The following ZNF385D variants were observed in gnomAD, a reference collection of about 807,000 sequenced individuals.
ZNF385D encodes zinc finger protein 385D.
A neutral mutation model predicts 35.8 loss-of-function variants in ZNF385D; 15 were observed. That is an observed-to-expected ratio of 0.42 (90% CI 0.28 to 0.64). The LOEUF (loss-of-function observed/expected upper bound fraction) is 0.64. Ranked by LOEUF, ZNF385D falls within the 30% of genes least tolerant of loss-of-function variation. The pLI is 0.23. For missense variants in ZNF385D, 474 were observed against 494.6 expected (o/e 0.96, Z 0.39); for synonymous variants, 212 against 186.8 (o/e 1.13, Z -1.10).
intron 3 of ZNF385D, among the ~76,000 whole-genome samples, chr3:22,021,104 G>A (rs975213171): frequency 3.3e-5 from 5 of 151,844 alleles, no homozygotes; most frequent in Admixed American, 1.3e-4. Flanking sequence ...AGGCAGAGAC[G>A]CAAGAGTGAG....
chr3:22,081,937 C>T (rs189976730), intron 3 of ZNF385D, among the ~76,000 whole-genome samples: 10 of 151,622 alleles, frequency 6.6e-5, no homozygotes, highest in Admixed American at 6.6e-4. Context: ...CTATTGCTTC[C>T]CTCTCCCCTA....
chr3:21,737,630 T>C (rs1015679742), intron 1 of ZNF385D, among the ~76,000 whole-genome samples: 1 of 152,240 alleles, frequency 6.6e-6, no homozygotes, highest in Non-Finnish European at 1.5e-5. Context: ...TATACTTTTA[T>C]AATTCTCAAT....
intron 3 of ZNF385D, among the ~76,000 whole-genome samples, chr3:21,839,044 TTAA>T (rs1300215710): frequency 3.3e-5 from 5 of 152,072 alleles, no homozygotes; most frequent in Non-Finnish European, 5.9e-5. Flanking sequence ...AAAAATATTT[TTAA>T]TAATAATTAA....
intron 4 of ZNF385D, among the ~76,000 whole-genome samples, chr3:21,454,435 TGAC>T (rs1405398467): frequency 1.3e-5 from 2 of 152,138 alleles, no homozygotes. Context: ...ATTATCTTGC[TGAC>T]TTTATCTTTT....
At chr3:22,155,987 G>A (rs1029031883) in intron 3 of ZNF385D, among the ~76,000 whole-genome samples, 8 of 152,004 alleles carry the variant, frequency 5.3e-5, no homozygotes, top group African/African-American at 1.9e-4. Flanking sequence ...AGGATGAAAT[G>A]AAAAGAAAAA....
At chr3:22,028,694 C>T (rs931120507) in intron 3 of ZNF385D, among the ~76,000 whole-genome samples, 1 of 152,206 alleles carries the variant, frequency 6.6e-6, no homozygotes, top group Non-Finnish European at 1.5e-5. Context: ...TGGTATTCCA[C>T]ACAGCATTGC....
chr3:21,741,419 T>C (rs17620421), intron 1 of ZNF385D, among the ~76,000 whole-genome samples: 7,047 of 152,294 alleles, frequency 0.046, 192 homozygotes, highest in Middle Eastern at 0.13. Flanking sequence ...CTCTAAGCTA[T>C]AGCCCACCAT....
intron 2 of ZNF385D, among the ~76,000 whole-genome samples, chr3:22,257,465 T>C (rs1009382928): frequency 4.0e-5 from 6 of 151,892 alleles, no homozygotes; most frequent in African/African-American, 1.4e-4. Flanking sequence ...CTCTCCTTTC[T>C]AGTAATTTCT....
chr3:21,890,763 A>C (rs532674137), intron 3 of ZNF385D, among the ~76,000 whole-genome samples: 22 of 152,352 alleles, frequency 1.4e-4, no homozygotes, highest in South Asian at 6.2e-4. Context: ...GAAGCAGCAG[A>C]AGAATTGCTG....
chr3:21,667,107 T>G (rs2066430884), intron 1 of ZNF385D, among the ~76,000 whole-genome samples: 1 of 152,070 alleles, frequency 6.6e-6, no homozygotes, highest in South Asian at 2.1e-4. Context: ...AAAGTAAGAT[T>G]TGGTCGAAAT....
chr3:21,669,862 G>T (rs1436312510), intron 1 of ZNF385D, among the ~76,000 whole-genome samples: 4 of 152,240 alleles, frequency 2.6e-5, no homozygotes, highest in South Asian at 2.1e-4. Context: ...ATCACAATAA[G>T]AGGTTACTTT....
intron 3 of ZNF385D, among the ~76,000 whole-genome samples, chr3:21,823,719 G>A (rs1436225874): frequency 1.3e-5 from 2 of 152,128 alleles, no homozygotes; most frequent in Non-Finnish European, 2.9e-5. Context: ...ACCACAGAAG[G>A]TATGTTTCCA....
At chr3:22,086,591 G>C (rs970752555) in intron 3 of ZNF385D, among the ~76,000 whole-genome samples, 13 of 152,272 alleles carry the variant, frequency 8.5e-5, no homozygotes, top group African/African-American at 2.9e-4. Flanking sequence ...TCATAGATAG[G>C]AAGAATCAAT....
At chr3:22,170,788 T>G (rs1317750769) in intron 2 of ZNF385D, among the ~76,000 whole-genome samples, 1 of 152,156 alleles carries the variant, frequency 6.6e-6, no homozygotes, top group Non-Finnish European at 1.5e-5. Flanking sequence ...TTGTCTAGAG[T>G]TGATTTATGC....
intron 4 of ZNF385D, among the ~76,000 whole-genome samples, chr3:21,491,643 T>G (rs1575038744): frequency 6.6e-6 from 1 of 152,170 alleles, no homozygotes; most frequent in African/African-American, 2.4e-5. Flanking sequence ...GCTTGCTGCC[T>G]GTTTTGGTAA....
chr3:22,364,297 G>T (rs985451047), intron 2 of ZNF385D, among the ~76,000 whole-genome samples: 2 of 151,908 alleles, frequency 1.3e-5, no homozygotes, highest in Admixed American at 6.6e-5. Flanking sequence ...GTGCAAAAAG[G>T]CCATATCAAC....
chr3:21,540,568 G>A (rs1424609623), intron 3 of ZNF385D, among the ~76,000 whole-genome samples: 3 of 152,156 alleles, frequency 2.0e-5, no homozygotes, highest in Admixed American at 2.0e-4. Context: ...GATAAAACCT[G>A]TTCAGAGACT....
At chr3:22,210,856 A>G (rs1295600508) in intron 2 of ZNF385D, among the ~76,000 whole-genome samples, 1 of 151,986 alleles carries the variant, frequency 6.6e-6, no homozygotes, top group East Asian at 1.9e-4. Flanking sequence ...GCACTGAATT[A>G]CAAATTATCT....
At chr3:22,090,729 G>A (rs1701286037) in intron 3 of ZNF385D, among the ~76,000 whole-genome samples, 1 of 152,118 alleles carries the variant, frequency 6.6e-6, no homozygotes. Context: ...TACTTGGAAG[G>A]GGGACATACG....
Sources: allele counts gnomAD v4.1 joint callset (sites outside exome capture counted in the v4.1 genomes callset), GRCh38; gene constraint gnomAD v4.1.1; transcripts MANE v1.5; gene names NCBI Gene and HGNC (gene_info 2026-07-23, HGNC 2026-07-21).